NAV2: variants seen among roughly 807,000 people sequenced by gnomAD.
NAV2 encodes the protein helicase, APC down-regulated 1.
A neutral mutation model predicts 223.2 loss-of-function variants in NAV2; 54 were observed. The ratio of observed to expected loss-of-function variants is 0.24; its 90% confidence interval spans 0.19 to 0.30. The LOEUF is 0.30. Among genes scored for constraint, NAV2 ranks in the 10% least tolerant of loss-of-function variants. NAV2 has a pLI of 1.00. For missense variants in NAV2, 2,806 were observed against 3,147.5 expected (o/e 0.89, Z 2.60); for synonymous variants, 1,279 against 1,239.3 (o/e 1.03, Z -0.67).
In NAV2 at chr11:19,769,008, G is replaced by A. The variant is rs1590394815; in HGVS notation, c.267+55046G>A. 2.0e-5 allele frequency among the ~76,000 whole-genome samples: 3 copies of A among 152,226 alleles called. No homozygotes were observed. In the East Asian group the frequency reaches 5.8e-4, roughly 29 times the overall value. ...GAACCTCTCATTAGGCAGCTGTGCA[G>A]CTTTGGACAGCTCATTCAACCTCTT... On this transcript the variant is annotated intron_variant, in intron 1 of 37. Transcript: ENST00000349880.
At chr11:19,416,483 A>G (rs1850374543) in intron 1 of NAV2, among the ~76,000 whole-genome samples, 1 of 152,216 alleles carries the variant, frequency 6.6e-6, no homozygotes, top group African/African-American at 2.4e-5. Flanking sequence ...ATGCTCATGG[A>G]TAGGAAGAAT....
intron 1 of NAV2, among the ~76,000 whole-genome samples, chr11:19,659,568 G>C (rs1240859086): frequency 6.6e-6 from 1 of 152,176 alleles, no homozygotes; most frequent in African/African-American, 2.4e-5. Flanking sequence ...GGCAAGAGAT[G>C]ATGGTGGCCT....
intron 1 of NAV2, among the ~76,000 whole-genome samples, chr11:19,821,597 C>G (rs376907135): frequency 6.6e-6 from 1 of 152,122 alleles, no homozygotes; most frequent in Admixed American, 6.5e-5. Context: ...GGACTTTGCC[C>G]CTGAGTGTTT....
chr11:19,731,928 A>G (rs1283099512), intron 1 of NAV2, among the ~76,000 whole-genome samples: 1 of 152,136 alleles, frequency 6.6e-6, no homozygotes, highest in East Asian at 1.9e-4. Context: ...GGGGTTAGGA[A>G]TGCTTGGGCC....
chr11:19,349,389 C>A (rs1283250888), upstream of NAV2, among the ~76,000 whole-genome samples: 2 of 152,210 alleles, frequency 1.3e-5, no homozygotes, highest in Non-Finnish European at 2.9e-5. Flanking sequence ...CGCCTCTTAA[C>A]CTGCTTTGGC....
chr11:19,489,131 C>G (rs78593060), intron 1 of NAV2, among the ~76,000 whole-genome samples: 106 of 152,316 alleles, frequency 7.0e-4, no homozygotes, highest in Middle Eastern at 6.8e-3. Flanking sequence ...GTTCCCTTTA[C>G]CCCACAGAAG....
chr11:19,511,968 G>A (rs2043292760), intron 1 of NAV2, among the ~76,000 whole-genome samples: 1 of 152,244 alleles, frequency 6.6e-6, no homozygotes, highest in Non-Finnish European at 1.5e-5. Context: ...GACATAGCCA[G>A]TAACAACACA....
chr11:19,741,675 ATGTG>A (rs764735471), intron 1 of NAV2, among the ~76,000 whole-genome samples: 1 of 79,612 alleles, frequency 1.3e-5, no homozygotes, highest in South Asian at 5.4e-4. Flanking sequence ...TGTATGTATC[ATGTG>A]TGTGTGTGTA....
intron 1 of NAV2, among the ~76,000 whole-genome samples, chr11:19,627,248 C>T (rs570448850): frequency 1.5e-4 from 23 of 152,124 alleles, no homozygotes; most frequent in African/African-American, 4.1e-4. Context: ...ATTAGCAGGG[C>T]GTGGTATTGT....
chr11:19,847,076 G>A (rs2060851540), intron 3 of NAV2, among the ~76,000 whole-genome samples: 1 of 152,140 alleles, frequency 6.6e-6, no homozygotes, highest in Non-Finnish European at 1.5e-5. Flanking sequence ...GGCAACCAAG[G>A]GGCATCTCTT....
chr11:19,360,472 A>G (rs1321340095), intron 1 of NAV2, among the ~76,000 whole-genome samples: 1 of 152,244 alleles, frequency 6.6e-6, no homozygotes, highest in Admixed American at 6.5e-5. Flanking sequence ...TTTTATTGCA[A>G]TAGTCTCACA....
intron 1 of NAV2, among the ~76,000 whole-genome samples, chr11:19,380,329 A>G (rs1359693949): frequency 2.6e-5 from 4 of 152,188 alleles, no homozygotes; most frequent in African/African-American, 9.7e-5. Context: ...TAGATATTTC[A>G]TCCCTGTGGT....
chr11:19,685,429 A>G (rs1439487770), intron 1 of NAV2, among the ~76,000 whole-genome samples: 1 of 152,040 alleles, frequency 6.6e-6, no homozygotes, highest in African/African-American at 2.4e-5. Context: ...CCCCCTTCCC[A>G]ATATCTACTT....
At chr11:19,602,714 A>T (rs76426301) in intron 1 of NAV2, among the ~76,000 whole-genome samples, 2,721 of 151,854 alleles carry the variant, frequency 0.018, 92 homozygotes, top group African/African-American at 0.061. Context: ...TGACAGCATC[A>T]CTCCAATCTC....
chr11:20,056,394 G>A lies in NAV2; in HGVS notation c.4831+437G>A, dbSNP rs1453395084. On this transcript the variant is annotated intron_variant, in intron 19 of 37. Transcript: ENST00000349880. ...CCGGGCAGCCACGCCTTTCTGCTCT[G>A]CTCCAGAATTTTTCATCTCCTTTCT... is the stretch of plus-strand genomic sequence containing the variant. 17 of 681,780 alleles carry A rather than the reference G, an allele frequency of 2.5e-5. No individual in the cohort carries two copies. The East Asian group carries it at 4.3e-4, about 17-fold the overall frequency. 42.2% of individuals were successfully genotyped at this position (681,780 alleles called of 1,614,324 possible). A position where few individuals can be genotyped will look rare whatever the true frequency, so the allele number is the denominator to read the frequency against.
At chr11:20,106,183 G>GTGTA (rs1394737236) in intron 35 of NAV2, among the ~76,000 whole-genome samples, 12 of 25,534 alleles carry the variant, frequency 4.7e-4, no homozygotes, top group African/African-American at 1.2e-3. Context: ...ATATGTGTGT[G>GTGTA]TATATATATA....
chr11:19,696,488 G>T (rs757452805), intron 1 of NAV2, among the ~76,000 whole-genome samples: 14 of 152,154 alleles, frequency 9.2e-5, no homozygotes, highest in Non-Finnish European at 1.5e-4. Flanking sequence ...AGTTTTCCAG[G>T]AGTCAGTATT....
At chr11:19,749,883 G>A (rs184091485) in intron 1 of NAV2, among the ~76,000 whole-genome samples, 3 of 152,372 alleles carry the variant, frequency 2.0e-5, no homozygotes, top group East Asian at 3.9e-4. Flanking sequence ...CCTGCCTCAC[G>A]TCTATGGCTT....
intron 11 of NAV2, among the ~76,000 whole-genome samples, chr11:19,996,755 C>T (rs988829572): frequency 1.3e-5 from 2 of 152,162 alleles, no homozygotes; most frequent in South Asian, 2.1e-4. Flanking sequence ...GTTATTTTCG[C>T]TCGTCCACTG....
Sources: gnomAD v4.1 joint callset for allele counts (sites outside exome capture counted in the v4.1 genomes callset) on GRCh38, gnomAD v4.1.1 for gene constraint, MANE v1.5 for transcripts, NCBI Gene and HGNC (gene_info 2026-07-23, HGNC 2026-07-21) for gene names.